Variants in SH3PXD2A observed in about 807,000 individuals in gnomAD.
SH3PXD2A encodes the protein SH3 and PX domains 2A, also known as SH3 and PX domain-containing protein 2A.
SH3PXD2A carries 32 observed loss-of-function variants against 115.2 expected under a neutral mutation model. The ratio of observed to expected loss-of-function variants is 0.28; its 90% CI spans 0.21 to 0.37. The LOEUF (loss-of-function observed/expected upper bound fraction) is 0.37, where lower values mean the gene tolerates loss of function less well. Ranked by LOEUF, SH3PXD2A falls within the 10% of genes least tolerant of loss-of-function variation. SH3PXD2A has a pLI of 1.00. For missense variants in SH3PXD2A, 1,328 were observed against 1,498.7 expected, an observed-to-expected ratio of 0.89 and a Z score of 1.88; for synonymous variants, 610 against 629.1, an observed-to-expected ratio of 0.97 and a Z score of 0.45.
At chr10:103,740,035 G>T (rs1435987759) in intron 3 of SH3PXD2A, among the ~76,000 whole-genome samples, 1 of 152,226 alleles carries the variant, frequency 6.6e-6, no homozygotes, top group African/African-American at 2.4e-5. Context: ...GAAGCCCTAA[G>T]ATTGATTGAC....
intron 13 of SH3PXD2A, among the ~76,000 whole-genome samples, chr10:103,608,150 T>TTAAAA (rs2036356171): frequency 3.1e-5 from 1 of 32,670 alleles, no homozygotes; most frequent in Admixed American, 4.1e-4. Flanking sequence ...ATGATCAATT[T>TTAAAA]AAAAAAAAAA....
At chr10:103,835,820 C>T (rs944822891) in intron 1 of SH3PXD2A, among the ~76,000 whole-genome samples, 1 of 152,204 alleles carries the variant, frequency 6.6e-6, no homozygotes, top group African/African-American at 2.4e-5. Flanking sequence ...GAGCCTTCTG[C>T]TCCCTATACT....
At chr10:103,765,669 C>T (rs2038746567) in intron 3 of SH3PXD2A, among the ~76,000 whole-genome samples, 1 of 152,246 alleles carries the variant, frequency 6.6e-6, no homozygotes, top group South Asian at 2.1e-4. Context: ...GCCAGCCTAA[C>T]ACGCTGTGGC....
At chr10:103,693,130 C>T in intron 5 of SH3PXD2A, 74 bp from the exon 6 acceptor site, 4 of 1,349,570 alleles carry the variant, frequency 3.0e-6, no homozygotes, top group Non-Finnish European at 4.2e-6. Context: ...GCAGGGGCGC[C>T]CTCGGGCTGG....
At chr10:103,750,872 C>T (rs558885270) in intron 3 of SH3PXD2A, among the ~76,000 whole-genome samples, 27 of 152,306 alleles carry the variant, frequency 1.8e-4, no homozygotes, top group African/African-American at 6.0e-4. Context: ...GCTTGCTTTG[C>T]TTTGCTTTGC....
At chr10:103,643,790 C>T (rs1355983423) in intron 8 of SH3PXD2A, among the ~76,000 whole-genome samples, 1 of 152,122 alleles carries the variant, frequency 6.6e-6, no homozygotes, top group African/African-American at 2.4e-5. Flanking sequence ...AACCACTGAT[C>T]TTCTTCAGGT....
At chr10:103,771,762 CA>C (rs2038823932) in intron 2 of SH3PXD2A, among the ~76,000 whole-genome samples, 1 of 151,752 alleles carries the variant, frequency 6.6e-6, no homozygotes, top group African/African-American at 2.4e-5. Context: ...CACACACACA[CA>C]CACACACACA....
intron 9 of SH3PXD2A, among the ~76,000 whole-genome samples, chr10:103,624,939 G>T (rs2036668279): frequency 1.3e-5 from 2 of 152,224 alleles, no homozygotes; most frequent in Non-Finnish European, 2.9e-5. Context: ...GTTGCCAGGA[G>T]AATTGGCACA....
chr10:103,632,734 G>A lies in SH3PXD2A; in HGVS notation c.605-5532C>T, dbSNP rs185185387. 7.4e-4 allele frequency among the ~76,000 whole-genome samples: 113 copies of A among 152,296 alleles called. 1 individual carries two copies. The highest frequency in any genetic ancestry group is 2.5e-3 in the African/African-American group (105 of 41,566). On this transcript the variant is annotated intron_variant, in intron 8 of 14. Coordinates refer to ENST00000369774, the MANE Select transcript of SH3PXD2A (RefSeq NM_001394015.1). ...CTCACACCTGTAATCCCAACACTTT[G>A]GGAGGCCAAGGTGGGCAGATCACAA...
rs1003591153 is a variant in SH3PXD2A at position 103,594,500 on chromosome 10, C to T, written c.*7316G>A. ...CTCCAAGGTTCTGGAGCTCCAGAGA[C>T]ATCCACCAGTCCCCACCCAGCCATG... On this transcript the variant is annotated 3_prime_UTR_variant, in exon 15 of 15. Coordinates refer to ENST00000369774, the MANE Select transcript of SH3PXD2A (RefSeq NM_001394015.1). The T allele has an allele frequency of 4.6e-5, 7 of 152,292 alleles. No individual in the cohort carries two copies. The highest frequency in any genetic ancestry group is 1.7e-4 in the African/African-American group (7 of 41,450). 9.4% of individuals were successfully genotyped at this position (152,292 alleles called of 1,614,324 possible).
chr10:103,839,171 T>C (rs988019119), intron 1 of SH3PXD2A, among the ~76,000 whole-genome samples: 7 of 152,104 alleles, frequency 4.6e-5, no homozygotes, highest in Admixed American at 6.5e-5. Flanking sequence ...AGAATAGAAA[T>C]CCCAACTCTC....
intron 1 of SH3PXD2A, among the ~76,000 whole-genome samples, chr10:103,848,208 TCTC>T (rs10597762): frequency 3.3e-5 from 5 of 151,160 alleles, no homozygotes; most frequent in East Asian, 1.9e-4. Context: ...TGCTGCTCCC[TCTC>T]CTCCTCCTCC....
At chr10:103,755,152 C>T (rs1056377277) in intron 3 of SH3PXD2A, 4 of 152,192 alleles carry the variant, frequency 2.6e-5, no homozygotes, top group Non-Finnish European at 4.4e-5. Flanking sequence ...GGACCGCACT[C>T]CTGAGAAGAG....
intron 9 of SH3PXD2A, among the ~76,000 whole-genome samples, chr10:103,625,434 T>G (rs2036677320): frequency 6.6e-6 from 1 of 152,224 alleles, no homozygotes; most frequent in African/African-American, 2.4e-5. Context: ...GGTCCAAACC[T>G]GATAAACATC....
intron 10 of SH3PXD2A, 40 bp downstream of exon 10, chr10:103,622,430 C>A (rs758510943): frequency 2.3e-6 from 3 of 1,302,792 alleles, no homozygotes; most frequent in African/African-American, 1.5e-5. Flanking sequence ...GAGAGACAGG[C>A]GGTCGCTGCG....
intron 6 of SH3PXD2A, among the ~76,000 whole-genome samples, chr10:103,683,900 A>G (rs1188926693): frequency 1.3e-5 from 2 of 152,148 alleles, no homozygotes; most frequent in African/African-American, 2.4e-5. Flanking sequence ...GAATCCCTGA[A>G]AAGGTCCCAC....
intron 7 of SH3PXD2A, chr10:103,661,812 C>T: frequency 2.1e-6 from 2 of 975,586 alleles, no homozygotes; most frequent in Non-Finnish European, 2.4e-6. Context: ...AATGAGGAGC[C>T]GGGGGTGGAG....
intron 8 of SH3PXD2A, among the ~76,000 whole-genome samples, chr10:103,640,365 G>A (rs2036936204): frequency 6.6e-6 from 1 of 151,862 alleles, no homozygotes; most frequent in African/African-American, 2.4e-5. Context: ...CCTGAGGAGG[G>A]TGTGGCACAG....
chr10:103,706,928 G>A (rs530435093), intron 5 of SH3PXD2A, among the ~76,000 whole-genome samples: 34 of 152,316 alleles, frequency 2.2e-4, no homozygotes, highest in Non-Finnish European at 4.7e-4. Context: ...AATGGCAGCA[G>A]CCCGCGGCCT....
Sources: allele counts gnomAD v4.1 joint callset (sites outside exome capture counted in the v4.1 genomes callset), GRCh38; gene constraint gnomAD v4.1.1; transcripts MANE v1.5; gene names NCBI Gene and HGNC (gene_info 2026-07-23, HGNC 2026-07-21).